KPNA1: variants seen among roughly 807,000 people sequenced by gnomAD.
KPNA1 encodes importin subunit alpha-5.
In KPNA1, 10 loss-of-function variants were observed where a neutral mutation model predicts 70.5. The ratio of observed to expected loss-of-function variants is 0.14; its 90% CI spans 0.09 to 0.24. KPNA1 has a LOEUF of 0.24. Among genes scored for constraint, KPNA1 ranks in the 10% least tolerant of loss-of-function variants. The probability of loss-of-function intolerance (pLI) is 1.00; values close to 1 mark genes in which losing one functional copy is unlikely to be tolerated. For missense variants in KPNA1, 397 were observed against 637.9 expected, an observed-to-expected ratio of 0.62 and a Z score of 4.07; for synonymous variants, 192 against 221.9, an observed-to-expected ratio of 0.87 and a Z score of 1.20.
intron 9 of KPNA1, among the ~76,000 whole-genome samples, chr3:122,445,650 A>C (rs1183368470): frequency 6.6e-6 from 1 of 152,174 alleles, no homozygotes; most frequent in Non-Finnish European, 1.5e-5. Flanking sequence ...ATAATGATAA[A>C]ATGAAATTCA....
intron 2 of KPNA1, among the ~76,000 whole-genome samples, chr3:122,491,428 G>A (rs2076696514): frequency 6.6e-6 from 1 of 152,156 alleles, no homozygotes; most frequent in Non-Finnish European, 1.5e-5. Context: ...CCACTTTCAA[G>A]ATATGTTAAA....
chr3:122,464,466 T>G (rs2076359003), intron 3 of KPNA1, among the ~76,000 whole-genome samples: 1 of 152,200 alleles, frequency 6.6e-6, no homozygotes, highest in African/African-American at 2.4e-5. Context: ...CCCAGATATT[T>G]TTCTGTGTTC....
chr3:122,499,522 G>A (rs2076801220), intron 1 of KPNA1, among the ~76,000 whole-genome samples: 1 of 151,972 alleles, frequency 6.6e-6, no homozygotes, highest in Non-Finnish European at 1.5e-5. Flanking sequence ...GGAGGTTAAG[G>A]CGGGAGTATC....
intron 12 of KPNA1, among the ~76,000 whole-genome samples, chr3:122,430,499 C>T (rs1261658254): frequency 8.7e-6 from 1 of 115,372 alleles, no homozygotes; most frequent in Non-Finnish European, 2.0e-5. Context: ...GTGAGGACTT[C>T]CTATACTGTA....
At chr3:122,430,783 A>G (rs1383010036) in intron 12 of KPNA1, among the ~76,000 whole-genome samples, 3 of 152,208 alleles carry the variant, frequency 2.0e-5, no homozygotes, top group Non-Finnish European at 4.4e-5. Context: ...CTGAACATCC[A>G]TACAGAAAAA....
chr3:122,487,002 G>T (rs77888247), intron 2 of KPNA1, among the ~76,000 whole-genome samples: 3,180 of 152,238 alleles, frequency 0.021, 121 homozygotes, highest in African/African-American at 0.072. Flanking sequence ...CTGTAGCTAA[G>T]GGAAAGGTCT....
intron 1 of KPNA1, among the ~76,000 whole-genome samples, chr3:122,506,329 A>G (rs1299089964): frequency 6.6e-6 from 1 of 152,232 alleles, no homozygotes; most frequent in African/African-American, 2.4e-5. Flanking sequence ...AAACTACAAG[A>G]AAGTATGACT....
chr3:122,487,896 AT>A (rs1311037571), intron 2 of KPNA1, among the ~76,000 whole-genome samples: 2 of 152,156 alleles, frequency 1.3e-5, no homozygotes, highest in Non-Finnish European at 2.9e-5. Flanking sequence ...AAGAGGAAAA[AT>A]TTTTTCACCA....
chr3:122,494,430 T>C (rs969779394), intron 2 of KPNA1, among the ~76,000 whole-genome samples: 3 of 152,226 alleles, frequency 2.0e-5, no homozygotes, highest in Non-Finnish European at 4.4e-5. Flanking sequence ...TTGTCAAAGA[T>C]CAGTTGGTTG....
At chr3:122,464,081 C>T (rs565291603) in intron 3 of KPNA1, 40 bp from the exon 4 acceptor site, 17 of 1,075,988 alleles carry the variant, frequency 1.6e-5, no homozygotes, top group Middle Eastern at 4.2e-4. Flanking sequence ...TAAATTATCA[C>T]CCTTAATTCA....
At chr3:122,460,681 G>T in intron 5 of KPNA1, 1 of 889,096 alleles carries the variant, frequency 1.1e-6, no homozygotes, top group Non-Finnish European at 1.3e-6. Context: ...TGAATCCAGA[G>T]ATTACAAAAT....
intron 9 of KPNA1, among the ~76,000 whole-genome samples, chr3:122,443,362 C>T (rs1431984622): frequency 1.3e-5 from 2 of 152,234 alleles, no homozygotes; most frequent in Non-Finnish European, 2.9e-5. Context: ...ATACACTCCA[C>T]CTCTGGGGGC....
At chr3:122,448,924 A>G (rs975109240) in intron 9 of KPNA1, among the ~76,000 whole-genome samples, 3 of 152,196 alleles carry the variant, frequency 2.0e-5, no homozygotes, top group African/African-American at 7.2e-5. Flanking sequence ...GCCTGCTATA[A>G]TCCCAGAGTT....
intron 2 of KPNA1, among the ~76,000 whole-genome samples, chr3:122,482,758 A>G (rs1487540319): frequency 6.6e-6 from 1 of 152,246 alleles, no homozygotes; most frequent in Non-Finnish European, 1.5e-5. Context: ...AAAATGAAAT[A>G]CTTAGGGAAA....
At chr3:122,440,396 G>GCC (rs1480272227) in intron 10 of KPNA1, among the ~76,000 whole-genome samples, 55 of 152,188 alleles carry the variant, frequency 3.6e-4, no homozygotes, top group Admixed American at 2.2e-3. Flanking sequence ...GGAGACACAT[G>GCC]TTCCAGGCAG....
chr3:122,431,848 G>C (rs1006027516), intron 12 of KPNA1, among the ~76,000 whole-genome samples: 2 of 150,614 alleles, frequency 1.3e-5, no homozygotes, highest in Non-Finnish European at 2.9e-5. Flanking sequence ...CTGTCACCCA[G>C]GCTGGAGTGC....
intron 2 of KPNA1, among the ~76,000 whole-genome samples, chr3:122,495,271 A>AAAAAAAAAAAAG (rs1384074366): frequency 2.6e-5 from 4 of 151,420 alleles, no homozygotes; most frequent in Non-Finnish European, 1.5e-5. Context: ...CCAAAAAAAA[A>AAAAAAAAAAAAG]AAAAGAAAAG....
At chr3:122,512,505 T>C (rs2076965976) in intron 1 of KPNA1, among the ~76,000 whole-genome samples, 1 of 152,210 alleles carries the variant, frequency 6.6e-6, no homozygotes. Flanking sequence ...GCGGATTGCG[T>C]GAGCTCAGGA....
In KPNA1 at chr3:122,466,934, G is replaced by A. The variant is rs544063183; in HGVS notation, c.237+388C>T. On this transcript the variant is annotated intron_variant, in intron 3 of 13. Coordinates refer to ENST00000344337, the MANE Select transcript of KPNA1 (RefSeq NM_002264.4). ...GAGGATCACTTAAGCCCAGGAGTTC[G>A]AGGTTGCAGTGACCTACGATTGCGC... Among the ~76,000 whole-genome samples, 6 of 151,970 alleles carry A rather than the reference G, an allele frequency of 3.9e-5. No homozygotes were observed. The South Asian group carries it at 1.2e-3, about 32-fold the overall frequency.
Sources: allele counts gnomAD v4.1 joint callset (sites outside exome capture counted in the v4.1 genomes callset), GRCh38; gene constraint gnomAD v4.1.1; transcripts MANE v1.5; gene names NCBI Gene and HGNC (gene_info 2026-07-23, HGNC 2026-07-21).